The following NUP98 variants were observed in gnomAD, a reference collection of about 807,000 sequenced individuals.
NUP98 encodes nuclear pore complex protein Nup98-Nup96.
NUP98 carries 26 observed loss-of-function variants against 191.9 expected under a neutral mutation model. The ratio of observed to expected loss-of-function variants is 0.14; its 90% CI spans 0.10 to 0.19. NUP98 has a LOEUF of 0.19. NUP98 is among the 10% of genes least tolerant of loss of function. The pLI is 1.00. For missense variants in NUP98, 1,941 were observed against 2,178.8 expected, an observed-to-expected ratio of 0.89 and a Z score of 2.17; for synonymous variants, 808 against 778.4, an observed-to-expected ratio of 1.04 and a Z score of -0.63.
At chr11:3,760,360 TG>T in intron 10 of NUP98, 178 bp downstream of exon 10, 1 of 817,964 alleles carries the variant, frequency 1.2e-6, no homozygotes, top group Non-Finnish European at 2.0e-6. Flanking sequence ...CCTTTCCCTC[TG>T]GTACTTCACA....
rs548098544 is a variant in NUP98, at chr11:3,721,563, G to A, written c.2147-738C>T. On this transcript the variant is annotated intron_variant, in intron 16 of 32. Transcript: ENST00000324932. ...AAAATACAAAAATTAGCTGGGCATGGTGGCGGGTGCTTGTAATCCCAGCTA... is the reference window on the plus strand; with the variant it reads ...AAAATACAAAAATTAGCTGGGCATGATGGCGGGTGCTTGTAATCCCAGCTA... Among the ~76,000 whole-genome samples, 6 of 152,132 alleles carry A rather than the reference G, an allele frequency of 3.9e-5. No individual in the cohort carries two copies. In the East Asian group the frequency reaches 1.2e-3, roughly 29 times the overall value.
At chr11:3,747,873 T>C (rs1334993120) in intron 11 of NUP98, among the ~76,000 whole-genome samples, 3 of 152,204 alleles carry the variant, frequency 2.0e-5, no homozygotes, top group African/African-American at 7.2e-5. Flanking sequence ...TCAGGAAATG[T>C]TCCTCCCAAA....
chr11:3,696,546 C>T (rs11029107), intron 25 of NUP98: 7,461 of 151,844 alleles, frequency 0.049, 343 homozygotes, highest in East Asian at 0.22. Flanking sequence ...CAGTGGTTCA[C>T]GCCTGTAATC....
chr11:3,779,032 T>C lies in NUP98; in HGVS notation c.196A>G (p.Ser66Gly). Residue 66 changes from serine (S) to glycine (G), a missense_variant, in exon 4 of 33, where the codon AGT (serine) becomes GGT (glycine). Ser to Gly is a moderately conservative substitution (Grantham distance 56). Coordinates refer to ENST00000324932, the MANE Select transcript of NUP98 (RefSeq NM_016320.5). ...GAGGTAGCTGGCTGGCTAAATGAAC[T>C]GGTTCCAAACAATCCTCCTGAGGAG... is the stretch of plus-strand genomic sequence containing the variant. ...QTKPGGLFGT[S>G]SFSQPATSTS... The C allele has an allele frequency of 6.2e-7, 1 of 1,614,186 alleles. No homozygotes were observed. The highest frequency in any genetic ancestry group is 8.5e-7 in the Non-Finnish European group (1 of 1,180,030).
At chr11:3,706,331 A>G in intron 21 of NUP98, 114 bp downstream of exon 21, 2 of 948,898 alleles carry the variant, frequency 2.1e-6, no homozygotes, top group Middle Eastern at 3.0e-4. Flanking sequence ...TTTTTTCCCC[A>G]TTACAGTGAG....
intron 26 of NUP98, among the ~76,000 whole-genome samples, chr11:3,694,358 G>A (rs1019561016): frequency 2.0e-5 from 3 of 151,148 alleles, no homozygotes; most frequent in East Asian, 1.9e-4. Context: ...CAATAAGAGC[G>A]AAACTCTATC....
chr11:3,721,764 T>C (rs930329092), intron 16 of NUP98, among the ~76,000 whole-genome samples: 7 of 151,142 alleles, frequency 4.6e-5, no homozygotes, highest in Admixed American at 2.0e-4. Flanking sequence ...GAAAAAAAAA[T>C]ACCAAAATAA....
Position 3,711,980 on chromosome 11 carries a change from C to G in NUP98, c.2742+584G>C, listed in dbSNP as rs546187658. ...ACAAAGAAATCCCGTATCAATGATA[C>G]AAGTAATTGCGATAAACAATGTAGG... On this transcript the variant is annotated intron_variant, in intron 20 of 32. Coordinates refer to ENST00000324932, the MANE Select transcript of NUP98 (RefSeq NM_016320.5). 27 of 1,045,886 alleles carry G rather than the reference C, an allele frequency of 2.6e-5. No homozygotes were observed. In the East Asian group the frequency reaches 1.0e-3, roughly 39 times the overall value. The allele number at this position is 1,045,886 out of a possible 1,614,324, so 64.8% of individuals were successfully genotyped here. A position where few individuals can be genotyped will look rare whatever the true frequency, so the allele number is the denominator to read the frequency against.
intron 25 of NUP98, chr11:3,697,090 C>T (rs964069713): frequency 6.6e-6 from 1 of 152,014 alleles, no homozygotes; most frequent in Non-Finnish European, 1.5e-5. Flanking sequence ...TAAATTCTCA[C>T]TGTACAAATG....
At position 3,746,837 on chromosome 11, in the gene NUP98, C is replaced by T. The variant is rs193253090; in HGVS notation, c.1268-2188G>A. Among the ~76,000 whole-genome samples, 576 of 150,242 alleles carry T rather than the reference C, an allele frequency of 3.8e-3. 11 individuals carry two copies. The highest frequency in any genetic ancestry group is 0.014 in the African/African-American group (550 of 40,516). On this transcript the variant is annotated intron_variant, in intron 11 of 32. Coordinates refer to ENST00000324932, the MANE Select transcript of NUP98 (RefSeq NM_016320.5). ...CTGAAGCAGGAGAATCGCTTGAGCC[C>T]GGGAGGCGGAGGTTGCAGTGAGCCG... is the stretch of plus-strand genomic sequence containing the variant.
chr11:3,708,252 C>G (rs2078922106), intron 20 of NUP98, among the ~76,000 whole-genome samples: 2 of 152,104 alleles, frequency 1.3e-5, no homozygotes, highest in Admixed American at 6.5e-5. Context: ...GTAGAGAAAG[C>G]AGTAAACTAT....
chr11:3,686,489 C>T (rs931209119), intron 28 of NUP98, among the ~76,000 whole-genome samples: 2 of 152,220 alleles, frequency 1.3e-5, no homozygotes, highest in African/African-American at 4.8e-5. Flanking sequence ...TCACAGTTCT[C>T]ACCCTTCCAT....
intron 2 of NUP98, among the ~76,000 whole-genome samples, chr11:3,780,208 A>G (rs2081909188): frequency 6.6e-6 from 1 of 151,916 alleles, no homozygotes; most frequent in Non-Finnish European, 1.5e-5. Flanking sequence ...TTCTTTAAAA[A>G]GGAGATCAGG....
At chr11:3,783,162 C>T (rs1038811139) in intron 1 of NUP98, among the ~76,000 whole-genome samples, 4 of 152,094 alleles carry the variant, frequency 2.6e-5, no homozygotes, top group Non-Finnish European at 5.9e-5. Context: ...GAGGCTGAAG[C>T]GGGCTGATTG....
chr11:3,768,667 G>T lies in NUP98; in HGVS notation c.862C>A (p.Pro288Thr). ...TGGGTGGTTGTAGCCTGGCCAAATG[G>T]TTTGCTGAAGAGGCTGGTAGTCTGC... is the stretch of plus-strand genomic sequence containing the variant. ...NQQTTSLFSKPFGQATTTQNT... is the reference protein window; with the variant it reads ...NQQTTSLFSKTFGQATTTQNT... The change falls in exon 8 of 33, where the codon CCA becomes ACA. Residue 288 changes from proline (P) to threonine (T), a missense_variant. Pro to Thr is a conservative substitution (Grantham distance 38). This residue lies in a region of NUP98 where 181 missense variants were observed against 228.0 expected (regional missense o/e 0.79). Transcript: ENST00000324932. 1 of 1,611,246 alleles carries T rather than the reference G, an allele frequency of 6.2e-7. No individual in the cohort carries two copies. The highest frequency in any genetic ancestry group is 8.5e-7 in the Non-Finnish European group (1 of 1,178,454).
intron 28 of NUP98, among the ~76,000 whole-genome samples, chr11:3,690,777 C>A: frequency 6.6e-6 from 1 of 151,378 alleles, no homozygotes. Context: ...CAATAATGGC[C>A]AAAAATAAGA....
chr11:3,778,932 G>A lies in NUP98; in HGVS notation c.296C>T (p.Thr99Ile), dbSNP rs1381488947. 1 of 1,614,182 alleles carries A rather than the reference G, an allele frequency of 6.2e-7. No homozygotes were observed. The highest frequency in any genetic ancestry group is 8.5e-7 in the Non-Finnish European group (1 of 1,180,042). The change falls in exon 4 of 33, where the codon ACC becomes ATC. Residue 99 changes from threonine (T) to isoleucine (I), a missense_variant. By Grantham distance (89) the Thr-to-Ile change is moderately conservative. This residue lies in a region of NUP98 where 154 missense variants were observed against 182.9 expected (regional missense o/e 0.84). Transcript: ENST00000324932. ...ATTGTTTTGGGATGAGAAGAGACTGGTCCCTGTGCTTGCAGTTCCAAACAA... is the reference window on the plus strand; with the variant it reads ...ATTGTTTTGGGATGAGAAGAGACTGATCCCTGTGCTTGCAGTTCCAAACAA... ...NTLFGTASTG[T>I]SLFSSQNNAF...
chr11:3,700,563 C>A, intron 24 of NUP98, 47 bp downstream of exon 24: 1 of 1,321,544 alleles, frequency 7.6e-7, no homozygotes, highest in South Asian at 1.3e-5. Context: ...TACGCTACCA[C>A]CACTATTATT....
At chr11:3,777,578 G>A (rs960497399) in intron 4 of NUP98, among the ~76,000 whole-genome samples, 2 of 135,364 alleles carry the variant, frequency 1.5e-5, no homozygotes, top group Non-Finnish European at 3.0e-5. Flanking sequence ...CAGAGATTGC[G>A]CCACTGCACT....
Sources: gnomAD v4.1 joint callset for allele counts (sites outside exome capture counted in the v4.1 genomes callset) on GRCh38, gnomAD v4.1.1 for gene constraint, gnomAD v4.1.1 regional missense constraint, MANE v1.5 for transcripts, NCBI Gene and HGNC (gene_info 2026-07-23, HGNC 2026-07-21) for gene names.